The following PM20D2 variants were observed in gnomAD, a reference collection of about 807,000 sequenced individuals.
PM20D2 encodes peptidase M20 domain containing 2, also known as xaa-Arg dipeptidase.
A neutral mutation model predicts 42.9 loss-of-function variants in PM20D2; 33 were observed. The observed-to-expected ratio is 0.77, with a 90% CI of 0.58 to 1.03. The LOEUF (loss-of-function observed/expected upper bound fraction) is 1.03. Among genes scored for constraint, PM20D2 ranks in the 50% least tolerant of loss-of-function variants. The pLI is 0.00. For missense variants in PM20D2, 548 were observed against 557.0 expected (o/e 0.98, Z 0.16); for synonymous variants, 250 against 228.2 (o/e 1.10, Z -0.86).
chr6:89,153,154 A>G lies in PM20D2; in HGVS notation c.726A>G (p.Arg242=). The G allele has an allele frequency of 6.2e-7, 1 of 1,607,432 alleles. No individual in the cohort carries two copies. The highest frequency in any genetic ancestry group is 8.5e-7 in the Non-Finnish European group (1 of 1,177,454). Residue 242 remains arginine (R), a synonymous_variant, in exon 3 of 7, where the codon AGA becomes AGG. Transcript: ENST00000275072. ...VLAYNNLSVF[R]QQMKPTWRVH... ...CCTATAACAATCTGTCTGTGTTCAG[A>G]CAGCAAATGAAACCAACCTGGAGAG...
rs1378235258 is a variant in PM20D2 at position 89,165,528 on chromosome 6, G to A, written c.*3265G>A. ...TTTTGTAATAATAGGTACATAAAAT[G>A]TGTATGAAAAATCTACAATAAACAT... On this transcript the variant is annotated 3_prime_UTR_variant, in exon 7 of 7. Coordinates refer to ENST00000275072, the MANE Select transcript of PM20D2 (RefSeq NM_001010853.3). 6.6e-6 allele frequency: 1 copy of A among 152,258 alleles called. No homozygotes were observed. The highest frequency in any genetic ancestry group is 1.9e-4 in the East Asian group (1 of 5,184). 9.4% of individuals were successfully genotyped at this position (152,258 alleles called of 1,614,324 possible).
chr6:89,098,271 T>C, the PM20D2 span: 6 of 246,752 alleles, frequency 2.4e-5, no homozygotes, highest in Admixed American at 1.5e-4. Context: ...ACTAATACTA[T>C]GCAAGTAGAA....
the PM20D2 span, among the ~76,000 whole-genome samples, chr6:89,128,791 C>T: frequency 4.6e-5 from 7 of 152,148 alleles, no homozygotes; most frequent in Non-Finnish European, 8.8e-5. Context: ...TCTCAGCCAG[C>T]TGACACTTAT....
At chr6:89,094,550 T>C in the PM20D2 span, among the ~76,000 whole-genome samples, 1 of 152,110 alleles carries the variant, frequency 6.6e-6, no homozygotes, top group Non-Finnish European at 1.5e-5. Context: ...GTAACCTATT[T>C]ACTAGTTTAT....
chr6:89,098,666 T>G, the PM20D2 span: 1 of 1,613,892 alleles, frequency 6.2e-7, no homozygotes, highest in Non-Finnish European at 8.5e-7. Flanking sequence ...AGTTTCAGAA[T>G]TGGTATACCC....
At chr6:89,125,881 T>A in the PM20D2 span, among the ~76,000 whole-genome samples, 11 of 149,118 alleles carry the variant, frequency 7.4e-5, no homozygotes, top group Non-Finnish European at 1.2e-4. Context: ...AGGTCAGGAG[T>A]CCGAGACCAG....
the PM20D2 span, chr6:89,117,996 C>CGA: frequency 8.1e-7 from 1 of 1,231,732 alleles, no homozygotes; most frequent in Non-Finnish European, 1.1e-6. Flanking sequence ...GGCGCGACCC[C>CGA]CACCCCTCGG....
chr6:89,107,711 G>T, the PM20D2 span, among the ~76,000 whole-genome samples: 1 of 152,086 alleles, frequency 6.6e-6, no homozygotes, highest in Non-Finnish European at 1.5e-5. Flanking sequence ...ACTCCATCCA[G>T]CCTGGGTGAC....
the PM20D2 span, among the ~76,000 whole-genome samples, chr6:89,111,019 G>A: frequency 5.3e-5 from 8 of 151,988 alleles, no homozygotes; most frequent in African/African-American, 1.9e-4. Context: ...GGCTGAGGAA[G>A]AAGAATCACT....
chr6:89,146,380 C>T lies in PM20D2; in HGVS notation c.236C>T (p.Pro79Leu). The T allele has an allele frequency of 6.5e-7, 1 of 1,536,750 alleles. No individual in the cohort carries two copies. Among genetic ancestry groups the T allele is most frequent in the Admixed American group, 2.0e-5 (1 of 51,068 alleles). The change falls in exon 1 of 7, where the codon CCG (proline) becomes CTG (leucine). Residue 79 changes from proline (P) to leucine (L), a missense_variant. Transcript: ENST00000275072. Reference sequence around the variant, plus strand: ...CCCGCGGCCTCCTGGGCAGTGCAGCCGCACTACCAGCTGCCCACGGCCTTC... The same window carrying T: ...CCCGCGGCCTCCTGGGCAGTGCAGCTGCACTACCAGCTGCCCACGGCCTTC... ...EPPAASWAVQ[P>L]HYQLPTAFRA...
chr6:89,137,814 ATTGT>A, the PM20D2 span, among the ~76,000 whole-genome samples: 1 of 151,672 alleles, frequency 6.6e-6, no homozygotes, highest in Non-Finnish European at 1.5e-5. Flanking sequence ...AGACATATTC[ATTGT>A]TTGTTTCCTT....
the PM20D2 span, among the ~76,000 whole-genome samples, chr6:89,127,167 A>C: frequency 6.6e-6 from 1 of 152,294 alleles, no homozygotes; most frequent in Middle Eastern, 3.4e-3. Flanking sequence ...TATTCCAGTC[A>C]ATAAAATAAA....
chr6:89,136,835 T>C, the PM20D2 span, among the ~76,000 whole-genome samples: 1 of 151,226 alleles, frequency 6.6e-6, no homozygotes, highest in African/African-American at 2.5e-5. Context: ...AATGTGGTAG[T>C]ATAGCAAAGG....
chr6:89,114,914 C>T, the PM20D2 span, among the ~76,000 whole-genome samples: 5 of 151,568 alleles, frequency 3.3e-5, no homozygotes, highest in African/African-American at 1.2e-4. Context: ...CTCCTGTCTC[C>T]GCCTCCCGAG....
chr6:89,099,141 G>A, the PM20D2 span, among the ~76,000 whole-genome samples: 1 of 151,662 alleles, frequency 6.6e-6, no homozygotes, highest in South Asian at 2.1e-4. Context: ...TGTTATACTA[G>A]AATATATGGC....
chr6:89,126,162 A>G, the PM20D2 span, among the ~76,000 whole-genome samples: 3 of 152,152 alleles, frequency 2.0e-5, no homozygotes, highest in African/African-American at 4.8e-5. Flanking sequence ...TGGGAGGCCA[A>G]GGCAGGAGGA....
chr6:89,149,017 A>G (rs1770729661), intron 1 of PM20D2, among the ~76,000 whole-genome samples: 2 of 152,200 alleles, frequency 1.3e-5, no homozygotes, highest in Admixed American at 1.3e-4. Context: ...GTTGACTTGT[A>G]AAATTGGGAA....
intron 3 of PM20D2, 115 bp from the exon 4 acceptor site, chr6:89,154,633 G>A: frequency 1.4e-6 from 1 of 703,460 alleles, no homozygotes; most frequent in Non-Finnish European, 2.2e-6. Context: ...GGTGGAGCTA[G>A]TGAGTTTAAA....
Position 89,164,225 on chromosome 6 carries a change from T to C in PM20D2, c.*1962T>C, listed in dbSNP as rs938557689. 3.9e-5 allele frequency: 6 copies of C among 152,224 alleles called. No homozygotes were observed. The highest frequency in any genetic ancestry group is 1.2e-4 in the African/African-American group (5 of 41,468). 9.4% of individuals were successfully genotyped at this position (152,224 alleles called of 1,614,324 possible). A position where few individuals can be genotyped will look rare whatever the true frequency, so the allele number is the denominator to read the frequency against. ...ATACTTGTATAAACTTAAAAGTGTTTTGATTTCCCACAATTTCCCAAAGGA... is the reference window on the plus strand; with the variant it reads ...ATACTTGTATAAACTTAAAAGTGTTCTGATTTCCCACAATTTCCCAAAGGA... On this transcript the variant is annotated 3_prime_UTR_variant, in exon 7 of 7. Coordinates refer to ENST00000275072, the MANE Select transcript of PM20D2 (RefSeq NM_001010853.3).
Sources: gnomAD v4.1 joint callset for allele counts (sites outside exome capture counted in the v4.1 genomes callset) on GRCh38, gnomAD v4.1.1 for gene constraint, MANE v1.5 for transcripts, NCBI Gene and HGNC (gene_info 2026-07-23, HGNC 2026-07-21) for gene names.